The following C3orf20 variants were observed in gnomAD, a reference collection of about 807,000 sequenced individuals.
C3orf20 encodes the protein uncharacterized protein C3orf20.
C3orf20 carries 76 observed loss-of-function variants against 88.3 expected under a neutral mutation model. That is an observed-to-expected ratio of 0.86 (90% CI 0.72 to 1.04). C3orf20 has a LOEUF of 1.04. Ranked by LOEUF, C3orf20 falls within the 50% of genes least tolerant of loss-of-function variation. The pLI, the probability that C3orf20 is intolerant of heterozygous loss-of-function variation, is 0.00. For synonymous variants in C3orf20, 436 were observed against 437.4 expected (o/e 1.00, Z 0.04); for missense variants, 1,056 against 1,123.3 (o/e 0.94, Z 0.86).
Position 14,772,063 on chromosome 3 carries a change from G to A in C3orf20, c.2496-4G>A. The A allele has an allele frequency of 6.2e-7, 1 of 1,614,174 alleles. No individual in the cohort carries two copies. Among genetic ancestry groups the A allele is most frequent in the Non-Finnish European group, 8.5e-7 (1 of 1,180,022 alleles). ...CACTGCCCCCGACCCTGCCTCCCCT[G>A]CAGTGTTCCCAACTCTGTCCTGAGC... On this transcript the variant is annotated splice_polypyrimidine_tract_variant and splice_region_variant and intron_variant, in intron 15 of 16. Transcript: ENST00000253697. This position sits in a 1 kb window ranked among gnomAD's most constrained non-coding sequence, Gnocchi z 4.2.
chr3:14,679,512 G>C lies in C3orf20; in HGVS notation c.-298-2658G>C, dbSNP rs114606238. Among the ~76,000 whole-genome samples the C allele has an allele frequency of 9.8e-3, 1,499 of 152,306 alleles. 36 individuals carry two copies. The highest frequency in any genetic ancestry group is 0.034 in the African/African-American group (1,414 of 41,548). ...GTGCCACAATGTCATCAGGAGCCCG[G>C]GCTCTGCTGCGCAGCTTGGCCACCT... is the stretch of plus-strand genomic sequence containing the variant. On this transcript the variant is annotated intron_variant, in intron 1 of 16. Coordinates refer to ENST00000253697, the MANE Select transcript of C3orf20 (RefSeq NM_032137.5).
At chr3:14,678,220 G>A (rs116430356) in intron 1 of C3orf20, among the ~76,000 whole-genome samples, 280 of 152,248 alleles carry the variant, frequency 1.8e-3, no homozygotes, top group African/African-American at 2.9e-3. Context: ...TCTGTGCTGC[G>A]TGTGTGCTGA....
chr3:14,740,048 A>G (rs1396877411), intron 12 of C3orf20, among the ~76,000 whole-genome samples: 1 of 152,244 alleles, frequency 6.6e-6, no homozygotes, highest in Non-Finnish European at 1.5e-5. Flanking sequence ...TCATTGGAGT[A>G]GCACTTTTAA....
intron 13 of C3orf20, 149 bp downstream of exon 13, chr3:14,757,823 GT>G: frequency 5.7e-6 from 4 of 699,858 alleles, no homozygotes; most frequent in Non-Finnish European, 9.4e-6. Flanking sequence ...GTCTTTGTGT[GT>G]ACTCTCCTGT....
intron 10 of C3orf20, among the ~76,000 whole-genome samples, chr3:14,724,835 GTCTC>G (rs1274968926): frequency 1.3e-5 from 2 of 152,202 alleles, no homozygotes; most frequent in Non-Finnish European, 2.9e-5. Context: ...AGAAGGTAGA[GTCTC>G]TATTAAGGGA....
chr3:14,763,241 TG>T (rs989594464), intron 15 of C3orf20, among the ~76,000 whole-genome samples: 17 of 152,272 alleles, frequency 1.1e-4, no homozygotes, highest in African/African-American at 4.1e-4. Context: ...CTATGGTGCA[TG>T]GGGAGTGAAT....
chr3:14,692,820 G>A (rs1559400440), intron 5 of C3orf20, among the ~76,000 whole-genome samples: 1 of 152,142 alleles, frequency 6.6e-6, no homozygotes, highest in African/African-American at 2.4e-5. Context: ...CCAACGTCCT[G>A]GAGAGTTTCC....
chr3:14,713,282 A>G (rs1212609274), intron 7 of C3orf20, among the ~76,000 whole-genome samples: 5 of 152,100 alleles, frequency 3.3e-5, no homozygotes, highest in Middle Eastern at 3.4e-3. Context: ...TGGGACTCCT[A>G]TTATTCATAT....
At chr3:14,681,059 G>A (rs1258389404) in intron 1 of C3orf20, among the ~76,000 whole-genome samples, 3 of 152,258 alleles carry the variant, frequency 2.0e-5, no homozygotes, top group African/African-American at 7.2e-5. Context: ...TGGAGATTTT[G>A]TTATTGATAG....
At chr3:14,765,665 T>A (rs2035681101) in intron 15 of C3orf20, 1 of 152,536 alleles carries the variant, frequency 6.6e-6, no homozygotes, top group Non-Finnish European at 1.5e-5. Flanking sequence ...AGAAAAGCAA[T>A]AGGTGAGCAG....
At chr3:14,686,586 T>C (rs73135192) in intron 4 of C3orf20, among the ~76,000 whole-genome samples, 2,663 of 152,338 alleles carry the variant, frequency 0.017, 34 homozygotes, top group African/African-American at 0.04. Flanking sequence ...TGATGATTAC[T>C]GACATTGAGC....
At chr3:14,695,362 T>C (rs2032946747) in intron 5 of C3orf20, among the ~76,000 whole-genome samples, 1 of 152,132 alleles carries the variant, frequency 6.6e-6, no homozygotes, top group Non-Finnish European at 1.5e-5. Flanking sequence ...GTTGCTGTTA[T>C]TTCAGGTTTT....
At chr3:14,742,931 C>T (rs1428408753) in intron 12 of C3orf20, among the ~76,000 whole-genome samples, 1 of 152,080 alleles carries the variant, frequency 6.6e-6, no homozygotes, top group African/African-American at 2.4e-5. Context: ...CACTGGGTCC[C>T]TCCCACAACA....
chr3:14,759,473 G>A (rs1466942031), intron 13 of C3orf20, among the ~76,000 whole-genome samples: 2 of 152,156 alleles, frequency 1.3e-5, no homozygotes, highest in African/African-American at 2.4e-5. Context: ...CCAGGAGTGG[G>A]TAGGGAGTGG....
chr3:14,702,040 T>G (rs911942102), intron 5 of C3orf20, among the ~76,000 whole-genome samples: 3 of 152,102 alleles, frequency 2.0e-5, no homozygotes, highest in Non-Finnish European at 2.9e-5. Flanking sequence ...AAAAACCATT[T>G]TCTGAAACCC....
intron 1 of C3orf20, among the ~76,000 whole-genome samples, chr3:14,676,631 C>A (rs1459879280): frequency 6.6e-6 from 1 of 152,198 alleles, no homozygotes; most frequent in East Asian, 1.9e-4. Context: ...TCCTCCCCCC[C>A]ATTTTGAAAC....
chr3:14,685,504 GTGTGTGTA>G (rs796174458), intron 4 of C3orf20, among the ~76,000 whole-genome samples: 14 of 149,358 alleles, frequency 9.4e-5, no homozygotes, highest in Non-Finnish European at 1.3e-4. Context: ...GTGTGTGTGT[GTGTGTGTA>G]TGTGTGTTAA....
chr3:14,748,050 G>A (rs1263804113), intron 12 of C3orf20, among the ~76,000 whole-genome samples: 1 of 151,830 alleles, frequency 6.6e-6, no homozygotes, highest in East Asian at 1.9e-4. Flanking sequence ...AAGTTTTGGT[G>A]TTAGTTCTTC....
intron 15 of C3orf20, among the ~76,000 whole-genome samples, chr3:14,771,659 G>T (rs1042958138): frequency 6.6e-6 from 1 of 152,208 alleles, no homozygotes; most frequent in Non-Finnish European, 1.5e-5. Flanking sequence ...TTCCAAATAA[G>T]GCCACGTTCC....
Sources: gnomAD v4.1 joint callset for allele counts (sites outside exome capture counted in the v4.1 genomes callset) on GRCh38, gnomAD v4.1.1 for gene constraint, Gnocchi (gnomAD v3.1) non-coding constraint, MANE v1.5 for transcripts, NCBI Gene and HGNC (gene_info 2026-07-23, HGNC 2026-07-21) for gene names.